IRS1: variants seen among roughly 807,000 people sequenced by gnomAD.
IRS1 encodes the protein insulin receptor substrate 1.
In IRS1, 34 loss-of-function variants were observed where a neutral mutation model predicts 65.6. That is an observed-to-expected ratio of 0.52 (90% CI 0.39 to 0.69). IRS1 has a LOEUF of 0.69. Ranked by LOEUF, IRS1 falls within the 30% of genes least tolerant of loss-of-function variation. IRS1 has a pLI of 0.00. For synonymous variants in IRS1, 699 were observed against 683.5 expected (o/e 1.02, Z -0.35); for missense variants, 1,641 against 1,720.2 (o/e 0.95, Z 0.81).
At chr2:226,787,715 C>T (rs1356417445) in intron 1 of IRS1, among the ~76,000 whole-genome samples, 1 of 148,306 alleles carries the variant, frequency 6.7e-6, no homozygotes, top group Non-Finnish European at 1.5e-5. Flanking sequence ...AATTAAAGAT[C>T]TTCTGATCTT....
chr2:226,791,882 C>G (rs1242323966), intron 1 of IRS1, among the ~76,000 whole-genome samples: 2 of 152,100 alleles, frequency 1.3e-5, no homozygotes, highest in South Asian at 2.1e-4. Flanking sequence ...GCGGGAGACC[C>G]GAGGGCGGTC....
chr2:226,782,532 C>A (rs1335308420), intron 1 of IRS1, among the ~76,000 whole-genome samples: 1 of 152,202 alleles, frequency 6.6e-6, no homozygotes, highest in Non-Finnish European at 1.5e-5. Context: ...CCTCCCCAGA[C>A]AAAATGCCCA....
Position 226,797,905 on chromosome 2 carries a change from G to T in IRS1, c.834C>A (p.Asn278Lys). 6.2e-7 allele frequency: 1 copy of T among 1,613,764 alleles called. No homozygotes were observed. The highest frequency in any genetic ancestry group is 1.1e-5 in the South Asian group (1 of 91,082). The change falls in exon 1 of 2, where the codon AAC (asparagine) becomes AAA (lysine). Residue 278 changes from asparagine to lysine, a missense_variant. Physicochemically the swap from Asn to Lys is moderately conservative, Grantham distance 94. This residue lies in a region of IRS1 where 1,324 missense variants were observed against 1,361.0 expected (regional missense o/e 0.97). Coordinates refer to ENST00000305123, the MANE Select transcript of IRS1 (RefSeq NM_005544.3). This position sits in a 1 kb window ranked among gnomAD's most constrained non-coding sequence, Gnocchi z 8.1. ...SKSQSSSNCSNPISVPLRRHH... is the reference protein window; with the variant it reads ...SKSQSSSNCSKPISVPLRRHH... ...GCCGGCGCAGGGGGACGCTGATGGG[G>T]TTAGAGCAGTTGGACGAGGACTGGC...
At position 226,799,194 on chromosome 2, in the gene IRS1, C is replaced by T. The variant is rs1463584807; in HGVS notation, c.-456G>A. 4.5e-6 allele frequency: 5 copies of T among 1,106,088 alleles called. No homozygotes were observed. Among genetic ancestry groups the T allele is most frequent in the Non-Finnish European group, 5.6e-6 (5 of 892,952 alleles). The allele number at this position is 1,106,088 out of a possible 1,614,324, so 68.5% of individuals were successfully genotyped here. On this transcript the variant is annotated 5_prime_UTR_variant, in exon 1 of 2. Coordinates refer to ENST00000305123, the MANE Select transcript of IRS1 (RefSeq NM_005544.3). This position sits in a 1 kb window ranked among gnomAD's most constrained non-coding sequence, Gnocchi z 6.1. ...AGTTCCCCTCTGGAAGCAGCGATTC[C>T]CGAGGCAAATTAAATATCCTTGGGC...
chr2:226,789,232 C>A (rs1560251), intron 1 of IRS1, among the ~76,000 whole-genome samples: 22,791 of 152,174 alleles, frequency 0.15, 2,130 homozygotes, highest in South Asian at 0.27. Flanking sequence ...ATTGGAAAAG[C>A]ATAAGTCCGT....
At chr2:226,781,139 G>A (rs1048854280) in intron 1 of IRS1, among the ~76,000 whole-genome samples, 4 of 152,162 alleles carry the variant, frequency 2.6e-5, no homozygotes, top group Admixed American at 2.6e-4. Context: ...AGGAGAGGCA[G>A]GGTGGTTGAT....
intron 1 of IRS1, among the ~76,000 whole-genome samples, chr2:226,774,570 C>T (rs1269410912): frequency 6.6e-6 from 1 of 151,938 alleles, no homozygotes; most frequent in South Asian, 2.1e-4. Context: ...GGGAAAGAGC[C>T]ACAAAATTAA....
At chr2:226,771,630 AC>A (rs1939166598) in intron 1 of IRS1, among the ~76,000 whole-genome samples, 1 of 151,992 alleles carries the variant, frequency 6.6e-6, no homozygotes, top group African/African-American at 2.4e-5. Context: ...CATATAATAT[AC>A]TTAAACATCT....
intron 1 of IRS1, among the ~76,000 whole-genome samples, chr2:226,784,339 T>C (rs1024547830): frequency 3.9e-5 from 6 of 152,202 alleles, no homozygotes; most frequent in Non-Finnish European, 5.9e-5. Flanking sequence ...GCTATTACTA[T>C]ACTCTTATTG....
At chr2:226,777,463 A>G (rs1221105807) in intron 1 of IRS1, among the ~76,000 whole-genome samples, 1 of 152,192 alleles carries the variant, frequency 6.6e-6, no homozygotes, top group Non-Finnish European at 1.5e-5. Context: ...TGTAAACTGT[A>G]TTTGATGAAT....
chr2:226,769,665 T>C (rs1018477775), intron 1 of IRS1, among the ~76,000 whole-genome samples: 11 of 152,210 alleles, frequency 7.2e-5, no homozygotes, highest in Admixed American at 2.6e-4. Flanking sequence ...AACAAAGCTA[T>C]TGTTTTAGTA....
chr2:226,785,831 G>A (rs1020174834), intron 1 of IRS1, among the ~76,000 whole-genome samples: 15 of 150,444 alleles, frequency 1.0e-4, no homozygotes, highest in Non-Finnish European at 8.8e-5. Context: ...CCATGCTGGT[G>A]CGCTGCACCC....
At chr2:226,785,556 T>C (rs1034301953) in intron 1 of IRS1, among the ~76,000 whole-genome samples, 1 of 152,202 alleles carries the variant, frequency 6.6e-6, no homozygotes, top group Admixed American at 6.5e-5. Context: ...TGAGCCAAGA[T>C]TGTGTCACTG....
chr2:226,747,228 C>T (rs952066028), intron 1 of IRS1, among the ~76,000 whole-genome samples: 16 of 152,018 alleles, frequency 1.1e-4, no homozygotes, highest in African/African-American at 3.1e-4. Flanking sequence ...GCTAAGGAAC[C>T]GCCATTAAGA....
At chr2:226,792,052 G>T (rs1047299737) in intron 1 of IRS1, 10 of 152,360 alleles carry the variant, frequency 6.6e-5, no homozygotes, top group Admixed American at 5.2e-4. Flanking sequence ...AGGGAGGGGA[G>T]GCAACCTTGG....
chr2:226,798,134 G>A lies in IRS1; in HGVS notation c.605C>T (p.Ala202Val). 2.5e-6 allele frequency: 4 copies of A among 1,613,932 alleles called. No individual in the cohort carries two copies. Among genetic ancestry groups the A allele is most frequent in the East Asian group, 2.2e-5 (1 of 44,886 alleles). ...GTTCATCAGCTGCAGCACCACGGCC[G>A]CTGCCTCCGAGTTCAGCTTCACGAA... Reference protein sequence around the residue: ...ISFVKLNSEAAAVVLQLMNIR... With the variant: ...ISFVKLNSEAVAVVLQLMNIR... Residue 202 changes from alanine to valine, a missense_variant, in exon 1 of 2, where the codon GCG becomes GTG. Coordinates refer to ENST00000305123, the MANE Select transcript of IRS1 (RefSeq NM_005544.3). This position sits in a 1 kb window ranked among gnomAD's most constrained non-coding sequence, Gnocchi z 9.4.
rs748621246 is a variant in IRS1, at chr2:226,796,162, C to G, written c.2577G>C (p.Thr859=). 6.8e-6 allele frequency: 11 copies of G among 1,613,672 alleles called. No homozygotes were observed. Among genetic ancestry groups the G allele is most frequent in the Non-Finnish European group, 9.3e-6 (11 of 1,180,002 alleles). ...AQTNSRLARP[T]RLSLGDPKAS... is the part of the protein sequence containing the mutation. ...CCTTGGGATCCCCCAGGGACAGCCT[C>G]GTGGGCCGGGCCAGGCGGCTATTGG... The change falls in exon 1 of 2, where the codon ACG becomes ACC. Residue 859 remains threonine (T), a synonymous_variant. Transcript: ENST00000305123.
chr2:226,739,959 T>G (rs1243027943), intron 1 of IRS1, among the ~76,000 whole-genome samples: 1 of 152,280 alleles, frequency 6.6e-6, no homozygotes, highest in Non-Finnish European at 1.5e-5. Context: ...TACATATGTT[T>G]AATACACTTT....
Position 226,734,311 on chromosome 2 carries a change from T to A in IRS1, c.*1961A>T, listed in dbSNP as rs1231691933. On this transcript the variant is annotated 3_prime_UTR_variant, in exon 2 of 2. Transcript: ENST00000305123. The stretch of plus-strand genomic sequence containing the variant: ...TGCAAGTTCCTTGAAAACAATGGAT[T>A]CTTATGACTCTAGACCCTATTTATC... 1 of 152,194 alleles carries A rather than the reference T, an allele frequency of 6.6e-6. No individual in the cohort carries two copies. The highest frequency in any genetic ancestry group is 2.4e-5 in the African/African-American group (1 of 41,440). The allele number at this position is 152,194 out of a possible 1,614,324, so 9.4% of individuals were successfully genotyped here.
Sources: allele counts gnomAD v4.1 joint callset (sites outside exome capture counted in the v4.1 genomes callset), GRCh38; gene constraint gnomAD v4.1.1; regional missense constraint gnomAD v4.1.1; non-coding constraint Gnocchi (gnomAD v3.1); transcripts MANE v1.5; gene names NCBI Gene and HGNC (gene_info 2026-07-23, HGNC 2026-07-21).